PLPPR1: variants seen among roughly 807,000 people sequenced by gnomAD.
The protein encoded by PLPPR1 is phospholipid phosphatase-related protein type 1.
In PLPPR1, 10 loss-of-function variants were observed where a neutral mutation model predicts 33.1. The observed-to-expected ratio is 0.30, with a 90% CI of 0.19 to 0.51. The LOEUF is 0.51. Ranked by LOEUF, PLPPR1 falls within the 20% of genes least tolerant of loss-of-function variation. The pLI is 0.97. For missense variants in PLPPR1, 304 were observed against 408.1 expected (o/e 0.74, Z 2.20); for synonymous variants, 151 against 151.0 (o/e 1.00, Z 0.00).
In PLPPR1 at chr9:101,066,553, T is replaced by C. The variant is rs77411591; in HGVS notation, c.-46+37451T>C. 6.4e-3 allele frequency among the ~76,000 whole-genome samples: 971 copies of C among 152,204 alleles called. 12 individuals are homozygous for C. Among genetic ancestry groups the C allele is most frequent in the African/African-American group, 0.023 (936 of 41,584 alleles). ...CCTCATTTATTTACTTAATCATTTA[T>C]GTCAGTATGGACTCATGGATGCTTA... is the stretch of plus-strand genomic sequence containing the variant. On this transcript the variant is annotated intron_variant, in intron 1 of 7. Coordinates refer to ENST00000374874, the MANE Select transcript of PLPPR1 (RefSeq NM_207299.2).
At chr9:101,292,984 G>A (rs1828544899) in intron 4 of PLPPR1, among the ~76,000 whole-genome samples, 1 of 152,018 alleles carries the variant, frequency 6.6e-6, no homozygotes, top group South Asian at 2.1e-4. Flanking sequence ...TGGACTAAAT[G>A]CTCCAATTAA....
chr9:101,058,776 A>G, intron 1 of PLPPR1, among the ~76,000 whole-genome samples: 1 of 152,206 alleles, frequency 6.6e-6, no homozygotes, highest in Non-Finnish European at 1.5e-5. Context: ...CAACAGTAAT[A>G]ACAACAATTA....
At position 101,153,246 on chromosome 9, in the gene PLPPR1, G is replaced by A. The variant is rs145013511; in HGVS notation, c.-45-32204G>A. Among the ~76,000 whole-genome samples, 1,443 of 152,316 alleles carry A rather than the reference G, an allele frequency of 9.5e-3. 21 individuals carry two copies. The highest frequency in any genetic ancestry group is 0.027 in the African/African-American group (1,109 of 41,568). ...CTTGTGATTTTTGCACATTGATTTT[G>A]TATCCTGAGACTGCTGAAGTTGCTT... is the stretch of plus-strand genomic sequence containing the variant. On this transcript the variant is annotated intron_variant, in intron 1 of 7. Coordinates refer to ENST00000374874, the MANE Select transcript of PLPPR1 (RefSeq NM_207299.2).
intron 4 of PLPPR1, among the ~76,000 whole-genome samples, chr9:101,286,709 T>A (rs1168479010): frequency 1.3e-5 from 2 of 152,166 alleles, no homozygotes; most frequent in African/African-American, 4.8e-5. Context: ...AAACAAATAC[T>A]TTTATTAGTG....
At chr9:101,143,511 A>G (rs528745839) in intron 1 of PLPPR1, among the ~76,000 whole-genome samples, 1 of 151,934 alleles carries the variant, frequency 6.6e-6, no homozygotes, top group South Asian at 2.1e-4. Context: ...ATGGGAGAAA[A>G]TTTTTACAAT....
intron 4 of PLPPR1, among the ~76,000 whole-genome samples, chr9:101,292,768 A>G (rs905876444): frequency 6.6e-6 from 1 of 151,764 alleles, no homozygotes; most frequent in South Asian, 2.1e-4. Context: ...AGATTTTGTC[A>G]CCACCAGGCC....
chr9:101,300,375 C>CTG (rs1453204639), intron 4 of PLPPR1, among the ~76,000 whole-genome samples: 4 of 152,122 alleles, frequency 2.6e-5, no homozygotes, highest in Non-Finnish European at 5.9e-5. Flanking sequence ...GACAGGGTCT[C>CTG]CCTATGTTGC....
intron 7 of PLPPR1, among the ~76,000 whole-genome samples, chr9:101,318,281 G>A (rs892866562): frequency 2.6e-5 from 4 of 152,066 alleles, no homozygotes; most frequent in Non-Finnish European, 5.9e-5. Flanking sequence ...AAATGAAGGG[G>A]AAAAAAATCT....
At chr9:101,271,041 A>C (rs1290914883) in intron 3 of PLPPR1, among the ~76,000 whole-genome samples, 1 of 152,224 alleles carries the variant, frequency 6.6e-6, no homozygotes, top group Non-Finnish European at 1.5e-5. Context: ...GAAATGGAAT[A>C]GAATTTTGAA....
At chr9:101,073,561 A>G (rs1316021335) in intron 1 of PLPPR1, among the ~76,000 whole-genome samples, 5 of 151,530 alleles carry the variant, frequency 3.3e-5, no homozygotes, top group Non-Finnish European at 7.4e-5. Context: ...CCCTTGGTGG[A>G]GAAATTGATT....
intron 1 of PLPPR1, among the ~76,000 whole-genome samples, chr9:101,088,831 T>G (rs943737170): frequency 3.9e-5 from 6 of 152,210 alleles, no homozygotes; most frequent in Non-Finnish European, 7.4e-5. Context: ...CCTTTTATTA[T>G]TCCATGTCTA....
chr9:101,255,312 T>A (rs2118871586), intron 2 of PLPPR1, among the ~76,000 whole-genome samples: 1 of 152,250 alleles, frequency 6.6e-6, no homozygotes, highest in Non-Finnish European at 1.5e-5. Context: ...TCATGAAATT[T>A]CATAATAGGC....
At chr9:101,291,564 A>C (rs999290370) in intron 4 of PLPPR1, among the ~76,000 whole-genome samples, 1 of 152,206 alleles carries the variant, frequency 6.6e-6, no homozygotes, top group Non-Finnish European at 1.5e-5. Flanking sequence ...CTGACACCTC[A>C]CACGGCCGGG....
intron 1 of PLPPR1, among the ~76,000 whole-genome samples, chr9:101,138,087 A>G (rs1399752579): frequency 6.6e-6 from 1 of 152,222 alleles, no homozygotes; most frequent in Non-Finnish European, 1.5e-5. Flanking sequence ...ATGCACATCC[A>G]GTCATTAAGA....
chr9:101,234,663 A>G (rs1197262898), intron 2 of PLPPR1, among the ~76,000 whole-genome samples: 1 of 151,994 alleles, frequency 6.6e-6, no homozygotes, highest in Non-Finnish European at 1.5e-5. Flanking sequence ...CTGTTCCAGG[A>G]GTTCAGAATA....
Position 101,295,924 on chromosome 9 carries a change from A to G in PLPPR1, c.385+9688A>G, listed in dbSNP as rs879275611. Among the ~76,000 whole-genome samples the G allele has an allele frequency of 2.8e-3, 410 of 148,138 alleles. 8 individuals carry two copies. Among genetic ancestry groups the G allele is most frequent in the Admixed American group, 0.022 (335 of 14,926 alleles). On this transcript the variant is annotated intron_variant, in intron 4 of 7. Coordinates refer to ENST00000374874, the MANE Select transcript of PLPPR1 (RefSeq NM_207299.2). Reference sequence around the variant, plus strand: ...CTTCATGTCTAAAACACCAAAAGCAATGGCAACAAAAGCCAAAATTGACAA... The same window carrying G: ...CTTCATGTCTAAAACACCAAAAGCAGTGGCAACAAAAGCCAAAATTGACAA...
intron 2 of PLPPR1, among the ~76,000 whole-genome samples, chr9:101,192,767 T>G (rs1366230734): frequency 1.3e-5 from 2 of 152,120 alleles, no homozygotes; most frequent in Non-Finnish European, 2.9e-5. Flanking sequence ...GGCTTGAATA[T>G]TTTTATAATA....
intron 1 of PLPPR1, among the ~76,000 whole-genome samples, chr9:101,062,800 G>A (rs1305775514): frequency 2.0e-5 from 3 of 152,058 alleles, no homozygotes; most frequent in Non-Finnish European, 4.4e-5. Flanking sequence ...ATCATATGGT[G>A]TAAGTGCTTG....
At chr9:101,115,245 C>T (rs560777516) in intron 1 of PLPPR1, among the ~76,000 whole-genome samples, 26 of 152,300 alleles carry the variant, frequency 1.7e-4, no homozygotes, top group South Asian at 1.7e-3. Flanking sequence ...CAGGAATGCA[C>T]GGGAAAAGAG....
Sources: gnomAD v4.1 joint callset for allele counts (sites outside exome capture counted in the v4.1 genomes callset) on GRCh38, gnomAD v4.1.1 for gene constraint, MANE v1.5 for transcripts, NCBI Gene and HGNC (gene_info 2026-07-23, HGNC 2026-07-21) for gene names.